The following CYP3A5 variants were observed in gnomAD, a reference collection of about 807,000 sequenced individuals.
CYP3A5 encodes the protein cytochrome P450 family 3 subfamily A member 5.
Under a neutral mutation model 55.9 loss-of-function variants are expected in CYP3A5, and 51 were observed. The observed-to-expected ratio is 0.91, with a 90% CI of 0.73 to 1.15. The LOEUF is 1.15. Ranked by LOEUF, CYP3A5 falls within the 50% of genes most tolerant of loss-of-function variation. The probability of loss-of-function intolerance (pLI) is 0.00; values close to 1 mark genes in which losing one functional copy is unlikely to be tolerated. For synonymous variants in CYP3A5, 196 were observed against 213.9 expected (o/e 0.92, Z 0.73); for missense variants, 533 against 596.6 (o/e 0.89, Z 1.11).
chr7:99,664,562 A>T (rs1378347633), intron 7 of CYP3A5, among the ~76,000 whole-genome samples: 3 of 152,252 alleles, frequency 2.0e-5, no homozygotes, highest in African/African-American at 7.2e-5. Flanking sequence ...AAGTTAAACA[A>T]TACAGTTTTA....
chr7:99,676,662 A>T (rs1462885043), intron 1 of CYP3A5: 1 of 759,750 alleles, frequency 1.3e-6, no homozygotes, highest in Non-Finnish European at 2.1e-6. Flanking sequence ...ACAGAGGGTC[A>T]CTGGGAGCCT....
intron 12 of CYP3A5, 36 bp from the exon 13 acceptor site, chr7:99,648,436 A>T: frequency 6.5e-7 from 1 of 1,536,688 alleles, no homozygotes; most frequent in Non-Finnish European, 8.9e-7. Context: ...AGAATTAATA[A>T]ATGAAGTGAA....
At position 99,662,645 on chromosome 7, in the gene CYP3A5, T is replaced by A. The variant is rs2151409116; in HGVS notation, c.865+171A>T. Among the ~76,000 whole-genome samples, 1 of 152,352 alleles carries A rather than the reference T, an allele frequency of 6.6e-6. No individual in the cohort carries two copies. Among genetic ancestry groups the A allele is most frequent in the East Asian group, 1.9e-4 (1 of 5,190 alleles). Reference sequence around the variant, plus strand: ...TTTCAGCCTGGAACATGGCTATACCTGTGGGCTTCTGGAAAGTGCCTCCAG... The same window carrying A: ...TTTCAGCCTGGAACATGGCTATACCAGTGGGCTTCTGGAAAGTGCCTCCAG... On this transcript the variant is annotated intron_variant, in intron 9 of 12. Transcript: ENST00000222982. This position sits in a 1 kb window ranked among gnomAD's most constrained non-coding sequence, Gnocchi z 4.3.
At chr7:99,657,710 G>C (rs111857753) in intron 10 of CYP3A5, among the ~76,000 whole-genome samples, 9 of 152,134 alleles carry the variant, frequency 5.9e-5, no homozygotes, top group African/African-American at 1.9e-4. Context: ...ATTATTGTGT[G>C]GGAGTCTAAC....
At position 99,652,797 on chromosome 7, in the gene CYP3A5, GA is replaced by G. The variant is rs779477429; in HGVS notation, c.1027-19del. On this transcript the variant is annotated intron_variant, in intron 10 of 12. Coordinates refer to ENST00000222982, the MANE Select transcript of CYP3A5 (RefSeq NM_000777.5). ...GGTGGTGCCTGGAAGGAAAGAAACA[GA>G]ATTGGATAATCTGAGATTTTGAATT... 4.1e-5 allele frequency: 66 copies of G among 1,594,966 alleles called. No individual in the cohort carries two copies. The highest frequency in any genetic ancestry group is 5.2e-5 in the Non-Finnish European group (60 of 1,164,786).
At chr7:99,663,231 A>G in intron 8 of CYP3A5, 1 of 1,059,452 alleles carries the variant, frequency 9.4e-7, no homozygotes, top group African/African-American at 1.7e-5. Context: ...TGGATCTTTT[A>G]TTCTTCTACC....
intron 8 of CYP3A5, chr7:99,663,453 C>T (rs938852496): frequency 6.2e-5 from 61 of 989,748 alleles, no homozygotes; most frequent in Non-Finnish European, 7.3e-5. Flanking sequence ...AGTTAGCCAG[C>T]CTTGCAACCT....
At chr7:99,648,625 ACT>A (rs1409818827) in intron 12 of CYP3A5, among the ~76,000 whole-genome samples, 1 of 150,828 alleles carries the variant, frequency 6.6e-6, no homozygotes, top group African/African-American at 2.4e-5. Context: ...TGGAGCACTG[ACT>A]CTGTGCCAGG....
intron 2 of CYP3A5, among the ~76,000 whole-genome samples, chr7:99,675,789 G>C (rs909994006): frequency 1.4e-5 from 2 of 146,338 alleles, no homozygotes; most frequent in Non-Finnish European, 3.0e-5. Flanking sequence ...GACTTCCTGG[G>C]TTCATACAAT....
chr7:99,648,495 G>C, intron 12 of CYP3A5, 95 bp from the exon 13 acceptor site: 47 of 764,262 alleles, frequency 6.1e-5, no homozygotes, highest in East Asian at 7.2e-5. Flanking sequence ...AAAATGCTTT[G>C]CAAGCATATA....
rs193267558 is a variant in CYP3A5 at position 99,650,320 on chromosome 7, C to A, written c.1254-88G>T. ...GGGGTTCTTACTTAAGAACAACCCCCCTCCACCTCCCAACCAGTAGTACAC... is the reference window on the plus strand; with the variant it reads ...GGGGTTCTTACTTAAGAACAACCCCACTCCACCTCCCAACCAGTAGTACAC... On this transcript the variant is annotated intron_variant, in intron 11 of 12. Transcript: ENST00000222982. 4.7e-5 allele frequency: 57 copies of A among 1,200,766 alleles called. No homozygotes were observed. In the Admixed American group the frequency reaches 1.1e-3, roughly 23 times the overall value. The allele number at this position is 1,200,766 out of a possible 1,614,324, so 74.4% of individuals were successfully genotyped here. A position where few individuals can be genotyped will look rare whatever the true frequency, so the allele number is the denominator to read the frequency against.
intron 10 of CYP3A5, among the ~76,000 whole-genome samples, chr7:99,656,549 G>T (rs1003451848): frequency 5.9e-5 from 9 of 152,088 alleles, no homozygotes; most frequent in African/African-American, 1.7e-4. Context: ...TCTCTTTTTT[G>T]GTTGTGTCTC....
intron 4 of CYP3A5, 91 bp downstream of exon 4, chr7:99,672,489 A>G: frequency 8.9e-7 from 1 of 1,129,192 alleles, no homozygotes; most frequent in Non-Finnish European, 1.3e-6. Flanking sequence ...TACATTTTTT[A>G]GGTAACCTTC....
At chr7:99,655,873 C>G (rs183274373) in intron 10 of CYP3A5, among the ~76,000 whole-genome samples, 2 of 152,214 alleles carry the variant, frequency 1.3e-5, no homozygotes, top group Admixed American at 1.3e-4. Context: ...TGATTTGGCT[C>G]TCTGTTTGTC....
chr7:99,679,957 T>C lies in CYP3A5; in HGVS notation c.-61A>G. ...TTCCTTTTAGCTGAGTGCTGCTGTTTGCTGGGCTGTTTGCCTGGAGCTTCC... is the reference window on the plus strand; with the variant it reads ...TTCCTTTTAGCTGAGTGCTGCTGTTCGCTGGGCTGTTTGCCTGGAGCTTCC... On this transcript the variant is annotated 5_prime_UTR_variant, in exon 1 of 13. Coordinates refer to ENST00000222982, the MANE Select transcript of CYP3A5 (RefSeq NM_000777.5). 6.8e-7 allele frequency: 1 copy of C among 1,474,384 alleles called. No individual in the cohort carries two copies. The highest frequency in any genetic ancestry group is 2.3e-5 in the East Asian group (1 of 44,144). 91.3% of individuals were successfully genotyped at this position (1,474,384 alleles called of 1,614,324 possible).
chr7:99,663,393 A>ACCTGCAGACATCCTTCGGCTGGCCT, intron 8 of CYP3A5: 2 of 991,352 alleles, frequency 2.0e-6, no homozygotes, highest in Non-Finnish European at 2.4e-6. Context: ...TGTCTCCCTG[A>ACCTGCAGACATCCTTCGGCTGGCCT]CCTGCAGACA....
chr7:99,654,202 G>A (rs1809478315), intron 10 of CYP3A5, among the ~76,000 whole-genome samples: 1 of 151,858 alleles, frequency 6.6e-6, no homozygotes, highest in Non-Finnish European at 1.5e-5. Flanking sequence ...TTTAACATTC[G>A]GTATATCTCC....
intron 1 of CYP3A5, 101 bp downstream of exon 1, chr7:99,679,725 T>C: frequency 8.7e-7 from 1 of 1,148,948 alleles, no homozygotes. Context: ...CTACTTCTCC[T>C]TGAACATCTC....
intron 4 of CYP3A5, 38 bp from the exon 5 acceptor site, chr7:99,667,103 G>A (rs200192680): frequency 2.0e-4 from 316 of 1,570,660 alleles, no homozygotes; most frequent in Non-Finnish European, 2.7e-4. Flanking sequence ...CACATTAGTT[G>A]TGGTGATCTT....
Sources: gnomAD v4.1 joint callset for allele counts (sites outside exome capture counted in the v4.1 genomes callset) on GRCh38, gnomAD v4.1.1 for gene constraint, Gnocchi (gnomAD v3.1) non-coding constraint, MANE v1.5 for transcripts, NCBI Gene and HGNC (gene_info 2026-07-23, HGNC 2026-07-21) for gene names.